PEX7: variants seen among roughly 807,000 people sequenced by gnomAD.
PEX7 encodes the protein peroxisomal biogenesis factor 7, also known as PTS2 receptor.
In PEX7, 34 loss-of-function variants were observed where a neutral mutation model predicts 47.5. The observed-to-expected ratio is 0.72, with a 90% CI of 0.54 to 0.95. The LOEUF is 0.95. PEX7 is among the 40% of genes least tolerant of loss of function. PEX7 has a pLI of 0.00. For missense variants in PEX7, 394 were observed against 400.3 expected, an observed-to-expected ratio of 0.98 and a Z score of 0.13; for synonymous variants, 141 against 148.8, an observed-to-expected ratio of 0.95 and a Z score of 0.38.
intron 9 of PEX7, among the ~76,000 whole-genome samples, chr6:136,902,397 G>T (rs1249526768): frequency 6.6e-6 from 1 of 152,138 alleles, no homozygotes; most frequent in African/African-American, 2.4e-5. Context: ...AGAGATCTGA[G>T]AAATGAGGTC....
At chr6:136,828,538 A>G (rs1443892225) in intron 3 of PEX7, among the ~76,000 whole-genome samples, 1 of 152,220 alleles carries the variant, frequency 6.6e-6, no homozygotes, top group Non-Finnish European at 1.5e-5. Context: ...CCTCTTGTCC[A>G]GGAAACCTCT....
chr6:136,866,590 G>T, intron 5 of PEX7, 37 bp from the exon 6 acceptor site: 1 of 1,509,532 alleles, frequency 6.6e-7, no homozygotes, highest in Non-Finnish European at 9.2e-7. Context: ...CATTCAAGTG[G>T]TGTGATGGGA....
chr6:136,910,335 A>ATG lies in PEX7; in HGVS notation c.904-3123_904-3122insTG, dbSNP rs1273167017. The stretch of plus-strand genomic sequence containing the variant: ...TTATGGGTACAATGAATGACTTCAT[A>ATG]GAGGAGATGATACCTAAACTGATTT... On this transcript the variant is annotated intron_variant, in intron 9 of 9. Transcript: ENST00000318471. 3.3e-5 allele frequency among the ~76,000 whole-genome samples: 5 copies of ATG among 152,346 alleles called. No homozygotes were observed. The East Asian group carries it at 7.7e-4, about 24-fold the overall frequency.
chr6:136,885,556 C>T (rs1775454817), intron 8 of PEX7, among the ~76,000 whole-genome samples: 1 of 152,208 alleles, frequency 6.6e-6, no homozygotes, highest in Non-Finnish European at 1.5e-5. Context: ...AATTGTACAA[C>T]TGTACTCTAC....
intron 7 of PEX7, 57 bp downstream of exon 7, chr6:136,870,060 G>T: frequency 9.3e-7 from 1 of 1,079,942 alleles, no homozygotes; most frequent in South Asian, 1.4e-5. Context: ...TATAATCAAT[G>T]AAGTGTATAT....
intron 9 of PEX7, among the ~76,000 whole-genome samples, chr6:136,898,970 G>A (rs1415667028): frequency 1.3e-5 from 2 of 151,206 alleles, no homozygotes; most frequent in Admixed American, 6.6e-5. Context: ...GCATGACTGT[G>A]AAATTGTGCT....
chr6:136,868,917 G>T (rs1775122886), intron 6 of PEX7, among the ~76,000 whole-genome samples: 1 of 152,086 alleles, frequency 6.6e-6, no homozygotes, highest in Non-Finnish European at 1.5e-5. Context: ...TCTTGGATAT[G>T]ATTAGATATC....
In PEX7 at chr6:136,895,245, A is replaced by G. The variant is rs550228842; in HGVS notation, c.804-2897A>G. On this transcript the variant is annotated intron_variant, in intron 8 of 9. Coordinates refer to ENST00000318471, the MANE Select transcript of PEX7 (RefSeq NM_000288.4). ...AGAGTGAGAATGGGGAAAGAAATAC[A>G]TGTATTTCTTTTGTTATTAAAAAGC... Among the ~76,000 whole-genome samples the G allele has an allele frequency of 2.6e-5, 4 of 152,294 alleles. No individual in the cohort carries two copies. The South Asian group carries it at 8.3e-4, about 32-fold the overall frequency.
At chr6:136,823,173 A>G (rs1319325383) in intron 1 of PEX7, 1 of 985,214 alleles carries the variant, frequency 1.0e-6, no homozygotes, top group Non-Finnish European at 1.2e-6. Flanking sequence ...TACGGGGAAG[A>G]CGGTCTGAGC....
At chr6:136,896,249 A>G (rs753152499) in intron 8 of PEX7, among the ~76,000 whole-genome samples, 2 of 152,246 alleles carry the variant, frequency 1.3e-5, no homozygotes, top group Non-Finnish European at 2.9e-5. Flanking sequence ...TATGGTTTAC[A>G]TAAAGAATAT....
intron 5 of PEX7, among the ~76,000 whole-genome samples, chr6:136,849,632 G>A (rs950099612): frequency 6.6e-6 from 1 of 152,144 alleles, no homozygotes; most frequent in Non-Finnish European, 1.5e-5. Flanking sequence ...TTCAGGAGCG[G>A]GTTGTTCAGT....
chr6:136,847,595 A>G (rs933523221), intron 5 of PEX7, among the ~76,000 whole-genome samples: 1 of 151,922 alleles, frequency 6.6e-6, no homozygotes. Flanking sequence ...CATTTATTAA[A>G]TAGGGAATCC....
rs58922622 is a variant in PEX7, at chr6:136,837,361, CA to C, written c.340-8240del. The stretch of plus-strand genomic sequence containing the variant: ...TGGGCGACAGAGTGAGAGTCTGTCA[CA>C]AAAAAAAAAAAAAGAAACTGAAAGT... On this transcript the variant is annotated intron_variant, in intron 3 of 9. Coordinates refer to ENST00000318471, the MANE Select transcript of PEX7 (RefSeq NM_000288.4). Among the ~76,000 whole-genome samples, 113 of 83,406 alleles carry C rather than the reference CA, an allele frequency of 1.4e-3. 3 individuals carry two copies. Among genetic ancestry groups the C allele is most frequent in the East Asian group, 1.8e-3 (5 of 2,754 alleles). 54.7% of individuals were successfully genotyped at this position (83,406 alleles called of 152,430 possible). A position where few individuals can be genotyped will look rare whatever the true frequency, so the allele number is the denominator to read the frequency against.
chr6:136,883,809 T>C (rs1205315346), intron 8 of PEX7, among the ~76,000 whole-genome samples: 1 of 152,218 alleles, frequency 6.6e-6, no homozygotes, highest in Non-Finnish European at 1.5e-5. Context: ...GGGAAACTTA[T>C]CCCTATTCAA....
chr6:136,905,137 TAGAAG>T (rs910998499), intron 9 of PEX7, among the ~76,000 whole-genome samples: 1 of 152,210 alleles, frequency 6.6e-6, no homozygotes, highest in Non-Finnish European at 1.5e-5. Context: ...TACTTACTGT[TAGAAG>T]AGAGTTCCCA....
chr6:136,827,585 T>C (rs897402339), intron 3 of PEX7, among the ~76,000 whole-genome samples: 11 of 150,370 alleles, frequency 7.3e-5, no homozygotes, highest in Non-Finnish European at 1.6e-4. Flanking sequence ...TAGAGTGCAG[T>C]GGTGCAATCT....
At chr6:136,891,488 T>G (rs1302691029) in intron 8 of PEX7, among the ~76,000 whole-genome samples, 1 of 152,172 alleles carries the variant, frequency 6.6e-6, no homozygotes, top group Non-Finnish European at 1.5e-5. Context: ...TAGCAGGTAG[T>G]TAGGGTTTTT....
intron 9 of PEX7, among the ~76,000 whole-genome samples, chr6:136,902,866 A>G (rs977199663): frequency 1.3e-5 from 2 of 152,100 alleles, no homozygotes; most frequent in African/African-American, 4.8e-5. Context: ...GGGCATAGTT[A>G]TTTATTATTT....
At chr6:136,912,205 CAG>C (rs1775944829) in intron 9 of PEX7, among the ~76,000 whole-genome samples, 1 of 152,244 alleles carries the variant, frequency 6.6e-6, no homozygotes, top group African/African-American at 2.4e-5. Context: ...ATTTTCTTAA[CAG>C]TGTCTTTTGA....
Sources: gnomAD v4.1 joint callset for allele counts (sites outside exome capture counted in the v4.1 genomes callset) on GRCh38, gnomAD v4.1.1 for gene constraint, MANE v1.5 for transcripts, NCBI Gene and HGNC (gene_info 2026-07-23, HGNC 2026-07-21) for gene names.